The following USP32 variants were observed in gnomAD, a reference collection of about 807,000 sequenced individuals.
The protein encoded by USP32 is ubiquitin specific peptidase 32.
USP32 carries 59 observed loss-of-function variants against 204.8 expected under a neutral mutation model. That is an observed-to-expected ratio of 0.29 (90% CI 0.23 to 0.36). USP32 has a LOEUF of 0.36. Ranked by LOEUF, USP32 falls within the 10% of genes least tolerant of loss-of-function variation. The probability of loss-of-function intolerance (pLI) is 1.00; values close to 1 mark genes in which losing one functional copy is unlikely to be tolerated. For synonymous variants in USP32, 517 were observed against 678.4 expected (o/e 0.76, Z 3.70); for missense variants, 1,160 against 1,946.4 (o/e 0.60, Z 7.60).
chr17:60,409,018 C>G (rs2089998735), intron 1 of USP32, among the ~76,000 whole-genome samples: 1 of 152,144 alleles, frequency 6.6e-6, no homozygotes, highest in Admixed American at 6.6e-5. Flanking sequence ...CACAGCTGAG[C>G]ATTTCCTCCT....
intron 1 of USP32, among the ~76,000 whole-genome samples, chr17:60,404,814 G>T (rs980128873): frequency 2.0e-5 from 3 of 152,116 alleles, no homozygotes; most frequent in African/African-American, 7.2e-5. Context: ...TAGAAGGCTG[G>T]TCTTTTTACT....
At chr17:60,235,861 ATGAGATGTGATG>A (rs1487327752) in intron 12 of USP32, among the ~76,000 whole-genome samples, 1 of 152,202 alleles carries the variant, frequency 6.6e-6, no homozygotes, top group Non-Finnish European at 1.5e-5. Context: ...CGAGAAATAA[ATGAGATGTGATG>A]TATGTGACAT....
chr17:60,404,943 G>A (rs1436480805), intron 1 of USP32, among the ~76,000 whole-genome samples: 4 of 152,032 alleles, frequency 2.6e-5, no homozygotes, highest in Admixed American at 6.6e-5. Flanking sequence ...TTGGGAGGCC[G>A]AGGCAGGCGG....
chr17:60,308,405 G>A (rs1165511455), intron 2 of USP32, among the ~76,000 whole-genome samples: 3 of 152,134 alleles, frequency 2.0e-5, no homozygotes, highest in Admixed American at 1.3e-4. Flanking sequence ...ACTGAAGAAG[G>A]GAGCCACACC....
chr17:60,269,620 T>C, intron 6 of USP32, 63 bp from the exon 7 acceptor site: 2 of 1,362,062 alleles, frequency 1.5e-6, no homozygotes, highest in Non-Finnish European at 2.0e-6. Context: ...TAATGACATG[T>C]TTACAAAAGG....
intron 29 of USP32, among the ~76,000 whole-genome samples, chr17:60,189,978 A>G (rs546750461): frequency 1.3e-5 from 2 of 152,320 alleles, no homozygotes; most frequent in South Asian, 4.1e-4. Context: ...ATCAAAATGC[A>G]TGTTGAAATC....
At chr17:60,297,797 T>A (rs2087473162) in intron 3 of USP32, among the ~76,000 whole-genome samples, 3 of 152,122 alleles carry the variant, frequency 2.0e-5, no homozygotes, top group Admixed American at 2.0e-4. Flanking sequence ...TCTCTAGCAG[T>A]TATTGAATAA....
intron 2 of USP32, among the ~76,000 whole-genome samples, chr17:60,343,349 A>G (rs1466806534): frequency 1.3e-5 from 2 of 152,212 alleles, no homozygotes; most frequent in African/African-American, 4.8e-5. Flanking sequence ...CAGAACATAC[A>G]TTCTTCTCAG....
chr17:60,421,535 T>G (rs1367001577), intron 1 of USP32: 2 of 985,094 alleles, frequency 2.0e-6, no homozygotes, highest in African/African-American at 3.5e-5. Context: ...CGAAGGAAGG[T>G]CCGGGAGAAG....
At chr17:60,416,219 C>T (rs977204486) in intron 1 of USP32, among the ~76,000 whole-genome samples, 2 of 151,894 alleles carry the variant, frequency 1.3e-5, no homozygotes, top group African/African-American at 4.8e-5. Context: ...ACTGGTCAAC[C>T]CAGAAAGAGA....
intron 1 of USP32, among the ~76,000 whole-genome samples, chr17:60,356,997 A>G (rs1161459082): frequency 1.3e-5 from 2 of 152,244 alleles, no homozygotes; most frequent in Non-Finnish European, 2.9e-5. Flanking sequence ...GAAACCAATT[A>G]GCAATTCTGG....
At chr17:60,386,544 C>A (rs2089734585) in intron 1 of USP32, among the ~76,000 whole-genome samples, 1 of 152,166 alleles carries the variant, frequency 6.6e-6, no homozygotes, top group Non-Finnish European at 1.5e-5. Context: ...TGCCAAAAAT[C>A]TTCCTTTTCT....
rs543007069 is a variant in USP32 at position 60,353,007 on chromosome 17, T to C, written c.59-7399A>G. Among the ~76,000 whole-genome samples the C allele has an allele frequency of 6.6e-5, 10 of 152,384 alleles. No individual in the cohort carries two copies. The East Asian group carries it at 1.7e-3, about 26-fold the overall frequency. ...AGATTAGTCTAGGGGAGAATTTGAA[T>C]ATATTACATTGTATTTACATTTCTG... On this transcript the variant is annotated intron_variant, in intron 1 of 33. Coordinates refer to ENST00000300896, the MANE Select transcript of USP32 (RefSeq NM_032582.4).
At chr17:60,349,977 A>C (rs901477689) in intron 1 of USP32, among the ~76,000 whole-genome samples, 13 of 151,196 alleles carry the variant, frequency 8.6e-5, no homozygotes, top group African/African-American at 2.9e-4. Context: ...ATCAAGCCTA[A>C]GTTCTGCTCT....
intron 1 of USP32, among the ~76,000 whole-genome samples, chr17:60,351,038 T>G (rs1445744927): frequency 6.6e-6 from 1 of 151,994 alleles, no homozygotes; most frequent in Non-Finnish European, 1.5e-5. Context: ...ACCTAGCAGC[T>G]GAGAAATTCA....
In USP32 at chr17:60,255,456, C is replaced by A. The variant is rs140801872; in HGVS notation, c.991-198G>T. 1.3e-3 allele frequency among the ~76,000 whole-genome samples: 202 copies of A among 152,156 alleles called. 1 individual carries two copies. The highest frequency in any genetic ancestry group is 4.5e-3 in the African/African-American group (188 of 41,524). ...GAAATTACAGGTGCCCGCCACCATG[C>A]CTGGCTAAGTTTTTGTGTTTTTCAG... On this transcript the variant is annotated intron_variant, in intron 9 of 33. Transcript: ENST00000300896.
chr17:60,255,125 G>T, intron 10 of USP32, 50 bp downstream of exon 10: 3 of 1,344,362 alleles, frequency 2.2e-6, no homozygotes, highest in Non-Finnish European at 2.1e-6. Flanking sequence ...AAAAGATGTA[G>T]AAGTACTGGT....
At chr17:60,303,064 C>T (rs1407616021) in intron 2 of USP32, among the ~76,000 whole-genome samples, 2 of 152,084 alleles carry the variant, frequency 1.3e-5, no homozygotes, top group Admixed American at 6.5e-5. Flanking sequence ...TTTAATAACA[C>T]CTGACAACTG....
intron 1 of USP32, among the ~76,000 whole-genome samples, chr17:60,382,830 A>G (rs1408784584): frequency 2.0e-5 from 3 of 152,222 alleles, no homozygotes; most frequent in Admixed American, 2.0e-4. Flanking sequence ...TCAAGTGTTC[A>G]TAAGTACAAT....
Sources: gnomAD v4.1 joint callset for allele counts (sites outside exome capture counted in the v4.1 genomes callset) on GRCh38, gnomAD v4.1.1 for gene constraint, MANE v1.5 for transcripts, NCBI Gene and HGNC (gene_info 2026-07-23, HGNC 2026-07-21) for gene names.